Variants in ANKRD31 observed in about 807,000 individuals in gnomAD.
The protein encoded by ANKRD31 is ankyrin repeat domain 31.
ANKRD31 carries 147 observed loss-of-function variants against 186.0 expected under a neutral mutation model. The observed-to-expected ratio is 0.79, with a 90% CI of 0.69 to 0.91. The LOEUF (loss-of-function observed/expected upper bound fraction) is 0.91, where lower values mean the gene tolerates loss of function less well. ANKRD31 is among the 40% of genes least tolerant of loss of function. ANKRD31 has a pLI of 0.00. For missense variants in ANKRD31, 1,986 were observed against 2,148.8 expected (o/e 0.92, Z 1.50); for synonymous variants, 673 against 736.4 (o/e 0.91, Z 1.39).
At chr5:75,178,943 G>A (rs944079260) in intron 10 of ANKRD31, among the ~76,000 whole-genome samples, 7 of 152,114 alleles carry the variant, frequency 4.6e-5, no homozygotes, top group African/African-American at 1.7e-4. Flanking sequence ...ATGAATCCAG[G>A]AGCTGGTTTT....
Position 75,084,295 on chromosome 5 carries a change from T to C in ANKRD31, c.5552A>G (p.Gln1851Arg), listed in dbSNP as rs1318147554. 2 of 1,536,838 alleles carry C rather than the reference T, an allele frequency of 1.3e-6. No individual in the cohort carries two copies. Among genetic ancestry groups the C allele is most frequent in the Non-Finnish European group, 1.7e-6 (2 of 1,146,662 alleles). Residue 1851 changes from glutamine (Q) to arginine (R), a missense_variant, in exon 24 of 26, where the codon CAG (glutamine) becomes CGG (arginine). Physicochemically the swap from Gln to Arg is conservative, Grantham distance 43. Coordinates refer to ENST00000506364, the MANE Select transcript of ANKRD31 (RefSeq NM_001372053.1). Reference sequence around the variant, plus strand: ...ACCTGGAAGACAAGGTTGATATTGCTGAGGTACTGAGTTTGGTTCTGGAAG... The same window carrying C: ...ACCTGGAAGACAAGGTTGATATTGCCGAGGTACTGAGTTTGGTTCTGGAAG... ...PILPEPNSVP[Q>R]QYQPCLPEVA...
intron 22 of ANKRD31, among the ~76,000 whole-genome samples, chr5:75,100,892 G>A (rs1001265679): frequency 9.2e-5 from 14 of 152,174 alleles, no homozygotes; most frequent in African/African-American, 3.4e-4. Flanking sequence ...GCCACTCTGT[G>A]TCTTTTAATT....
intron 25 of ANKRD31, among the ~76,000 whole-genome samples, chr5:75,073,629 A>C (rs183826025): frequency 1.3e-5 from 2 of 152,378 alleles, no homozygotes; most frequent in East Asian, 3.9e-4. Flanking sequence ...TCAATTTAAA[A>C]ATGCTAATGT....
chr5:75,084,461 A>C, intron 23 of ANKRD31, 87 bp from the exon 24 acceptor site: 1 of 1,068,818 alleles, frequency 9.4e-7, no homozygotes, highest in African/African-American at 1.6e-5. Context: ...AATTTTTATA[A>C]GGTTTTGATT....
intron 1 of ANKRD31, 39 bp downstream of exon 1, chr5:75,236,544 G>A (rs1261259462): frequency 2.0e-6 from 3 of 1,521,154 alleles, no homozygotes; most frequent in Admixed American, 2.0e-5. Context: ...GGCCGCCCTG[G>A]CGCGAGGGTT....
rs1751398235 is a variant in ANKRD31 at position 75,145,917 on chromosome 5, A to T, written c.3424+70T>A. ...TTTGGCCATCGTTTGAATACAATTC[A>T]GTTGGAAATTTCTATAAAAATAAGT... On this transcript the variant is annotated intron_variant, in intron 14 of 25. Coordinates refer to ENST00000506364, the MANE Select transcript of ANKRD31 (RefSeq NM_001372053.1). 7 of 1,284,336 alleles carry T rather than the reference A, an allele frequency of 5.5e-6. No homozygotes were observed. The South Asian group carries it at 1.1e-4, about 21-fold the overall frequency. 79.6% of individuals were successfully genotyped at this position (1,284,336 alleles called of 1,614,324 possible). A position where few individuals can be genotyped will look rare whatever the true frequency, so the allele number is the denominator to read the frequency against.
At chr5:75,142,976 G>C (rs1751161212) in intron 15 of ANKRD31, among the ~76,000 whole-genome samples, 2 of 152,182 alleles carry the variant, frequency 1.3e-5, no homozygotes, top group South Asian at 4.1e-4. Flanking sequence ...TAAAACAACA[G>C]AATGTATTCT....
intron 11 of ANKRD31, among the ~76,000 whole-genome samples, chr5:75,160,640 C>G (rs1003455318): frequency 1.3e-5 from 2 of 152,100 alleles, no homozygotes; most frequent in Non-Finnish European, 2.9e-5. Context: ...AAAAGACATA[C>G]CATGCAAATG....
intron 2 of ANKRD31, among the ~76,000 whole-genome samples, 182 bp downstream of exon 2, chr5:75,230,380 T>C (rs1014865938): frequency 6.6e-6 from 1 of 152,244 alleles, no homozygotes; most frequent in East Asian, 1.9e-4. Flanking sequence ...GGTGATGTTC[T>C]TGTGACCAGA....
chr5:75,117,224 T>C (rs148844581), intron 18 of ANKRD31, among the ~76,000 whole-genome samples: 9 of 152,272 alleles, frequency 5.9e-5, no homozygotes, highest in African/African-American at 2.2e-4. Context: ...CACTTTATAA[T>C]AGATCTATCA....
intron 25 of ANKRD31, among the ~76,000 whole-genome samples, chr5:75,079,011 A>C (rs977980963): frequency 1.3e-5 from 2 of 152,340 alleles, no homozygotes; most frequent in Admixed American, 6.5e-5. Flanking sequence ...TCATTTTTAA[A>C]GGTTTGTGTT....
At chr5:75,199,703 A>G (rs1441920873) in intron 5 of ANKRD31, 29 bp from the exon 6 acceptor site, 2 of 1,522,702 alleles carry the variant, frequency 1.3e-6, no homozygotes, top group Non-Finnish European at 1.8e-6. Flanking sequence ...TTTTCATTCC[A>G]GTTTTATGGA....
At chr5:75,082,348 C>T (rs1387254955) in intron 24 of ANKRD31, among the ~76,000 whole-genome samples, 1 of 152,150 alleles carries the variant, frequency 6.6e-6, no homozygotes, top group Non-Finnish European at 1.5e-5. Flanking sequence ...CTGTTTAATT[C>T]TTGGCCCTGG....
At chr5:75,080,096 TA>T (rs879754102) in intron 25 of ANKRD31, among the ~76,000 whole-genome samples, 218 of 141,260 alleles carry the variant, frequency 1.5e-3, no homozygotes, top group Non-Finnish European at 1.2e-3. Flanking sequence ...AGATTCTGTC[TA>T]AAAAAAAAAA....
intron 9 of ANKRD31, among the ~76,000 whole-genome samples, chr5:75,190,449 C>G (rs1259167636): frequency 6.6e-6 from 1 of 152,082 alleles, no homozygotes; most frequent in African/African-American, 2.4e-5. Context: ...GTTTCCTCAT[C>G]TTTAATTTTT....
At chr5:75,181,849 C>T (rs1291998624) in intron 10 of ANKRD31, among the ~76,000 whole-genome samples, 2 of 150,598 alleles carry the variant, frequency 1.3e-5, no homozygotes, top group African/African-American at 2.5e-5. Flanking sequence ...CAAACCTGCA[C>T]ATTGTGCACA....
At position 75,147,288 on chromosome 5, in the gene ANKRD31, C is replaced by T. The variant is rs991132931; in HGVS notation, c.2123G>A (p.Gly708Glu). ...GTTATGGAGATTGCCCTTTCTGAGT[C>T]CTGTAGAGTATATCTGGTCAAGAGT... Reference protein sequence around the residue: ...QSTLDQIYSTGLRKGNLHNVK... With the variant: ...QSTLDQIYSTELRKGNLHNVK... The change falls in exon 14 of 26, where the codon GGA (glycine) becomes GAA (glutamate). Residue 708 changes from glycine to glutamate, a missense_variant. Coordinates refer to ENST00000506364, the MANE Select transcript of ANKRD31 (RefSeq NM_001372053.1). The T allele has an allele frequency of 4.4e-5, 68 of 1,535,488 alleles. No individual in the cohort carries two copies. The highest frequency in any genetic ancestry group is 5.4e-5 in the Non-Finnish European group (62 of 1,146,094).
chr5:75,147,078 T>G lies in ANKRD31; in HGVS notation c.2333A>C (p.Glu778Ala). The G allele has an allele frequency of 3.3e-6, 5 of 1,536,412 alleles. No homozygotes were observed. The highest frequency in any genetic ancestry group is 4.4e-6 in the Non-Finnish European group (5 of 1,146,364). The change falls in exon 14 of 26, where the codon GAA (glutamate) becomes GCA (alanine). Residue 778 changes from glutamate (E) to alanine (A), a missense_variant. Glu to Ala is a moderately radical substitution (Grantham distance 107). Transcript: ENST00000506364. ...TAAGCTGGAAGGTTCACACAATTCT[T>G]CTGGAAGGTCATTATGAGTTTCTGG... is the stretch of plus-strand genomic sequence containing the variant. Reference protein sequence around the residue: ...HIPETHNDLPEELCEPSSLTL... With the variant: ...HIPETHNDLPAELCEPSSLTL...
intron 5 of ANKRD31, 55 bp from the exon 6 acceptor site, chr5:75,199,729 C>T: frequency 1.4e-6 from 2 of 1,388,574 alleles, no homozygotes; most frequent in South Asian, 1.3e-5. Context: ...TAAAAACATA[C>T]CTTCTCAGTT....
Sources: gnomAD v4.1 joint callset for allele counts (sites outside exome capture counted in the v4.1 genomes callset) on GRCh38, gnomAD v4.1.1 for gene constraint, MANE v1.5 for transcripts, NCBI Gene and HGNC (gene_info 2026-07-23, HGNC 2026-07-21) for gene names.